PIK3C2A: variants seen among roughly 807,000 people sequenced by gnomAD.
PIK3C2A encodes phosphatidylinositol 4-phosphate 3-kinase C2 domain-containing subunit alpha.
Under a neutral mutation model 204.5 loss-of-function variants are expected in PIK3C2A, and 97 were observed. The observed-to-expected ratio is 0.47, with a 90% CI of 0.40 to 0.56. PIK3C2A has a LOEUF of 0.56. Among genes scored for constraint, PIK3C2A ranks in the 20% least tolerant of loss-of-function variants. The pLI is 0.00. For missense variants in PIK3C2A, 1,735 were observed against 1,969.2 expected (o/e 0.88, Z 2.25); for synonymous variants, 653 against 664.4 (o/e 0.98, Z 0.26).
intron 1 of PIK3C2A, among the ~76,000 whole-genome samples, chr11:17,192,415 G>A (rs1281301825): frequency 6.6e-6 from 1 of 151,872 alleles, no homozygotes; most frequent in African/African-American, 2.4e-5. Context: ...AATTGCTTCT[G>A]GTCCAACAAC....
At chr11:17,131,677 T>C (rs1483071478) in intron 12 of PIK3C2A, among the ~76,000 whole-genome samples, 1 of 152,166 alleles carries the variant, frequency 6.6e-6, no homozygotes, top group African/African-American at 2.4e-5. Context: ...CGCCTTGGCC[T>C]CCCAAAGTGC....
chr11:17,170,205 C>G (rs555136671), intron 1 of PIK3C2A, among the ~76,000 whole-genome samples: 6 of 152,280 alleles, frequency 3.9e-5, no homozygotes, highest in Admixed American at 2.0e-4. Context: ...GCAGAAATAG[C>G]AAGTCAAAAT....
At chr11:17,199,142 T>C (rs1852275468) in intron 1 of PIK3C2A, among the ~76,000 whole-genome samples, 1 of 148,800 alleles carries the variant, frequency 6.7e-6, no homozygotes, top group South Asian at 2.1e-4. Context: ...AAAAGCCAAC[T>C]TATTATCAAT....
At chr11:17,158,217 G>A (rs948049751) in intron 2 of PIK3C2A, among the ~76,000 whole-genome samples, 1 of 151,764 alleles carries the variant, frequency 6.6e-6, no homozygotes, top group African/African-American at 2.4e-5. Flanking sequence ...GCGTGGTGGT[G>A]CATGCCTGTA....
intron 1 of PIK3C2A, among the ~76,000 whole-genome samples, chr11:17,199,903 CAA>C (rs35435978): frequency 1.2e-3 from 133 of 106,820 alleles, no homozygotes; most frequent in East Asian, 6.6e-3. Flanking sequence ...GCCTCCATCT[CAA>C]AAAAAAAAAA....
chr11:17,122,198 A>G lies in PIK3C2A; in HGVS notation c.2647T>C (p.Ser883Pro), dbSNP rs1174395201. ...GKLLDILHKD[S>P]SLGLSKEDKA... is the part of the protein sequence containing the mutation. ...ATAAACAGAACATACCCAAGTGATG[A>G]GTCTTTATGAAGAATATCAAGAAGT... Residue 883 changes from serine (S) to proline (P), a missense_variant, in exon 15 of 33, where the codon TCA becomes CCA. Ser to Pro is a moderately conservative substitution (Grantham distance 74). This residue lies in a region of PIK3C2A where 567 missense variants were observed against 576.0 expected (regional missense o/e 0.98). Transcript: ENST00000691414. The G allele has an allele frequency of 1.9e-6, 3 of 1,582,740 alleles. No homozygotes were observed. The highest frequency in any genetic ancestry group is 2.6e-6 in the Non-Finnish European group (3 of 1,154,616).
intron 13 of PIK3C2A, among the ~76,000 whole-genome samples, chr11:17,123,248 T>TTTTTG (rs374212417): frequency 1.1e-4 from 16 of 151,846 alleles, no homozygotes; most frequent in African/African-American, 3.4e-4. Context: ...AAAACACGTT[T>TTTTTG]TTTTGTTTTG....
At chr11:17,117,189 G>T in intron 19 of PIK3C2A, among the ~76,000 whole-genome samples, 1 of 152,152 alleles carries the variant, frequency 6.6e-6, no homozygotes, top group East Asian at 1.9e-4. Flanking sequence ...TTTTTGGTGT[G>T]ATGAAAATAC....
At chr11:17,115,577 CA>C (rs1849156475) in intron 19 of PIK3C2A, 1 of 149,720 alleles carries the variant, frequency 6.7e-6, no homozygotes, top group Non-Finnish European at 1.5e-5. Context: ...ACAAATATAG[CA>C]TATGGATAGA....
chr11:17,150,656 C>A lies in PIK3C2A; in HGVS notation c.1170-1G>T. ...GGTATATGGAAATTTGGTCTTCAAT[C>A]TGTTCACAAGAAAGAAGAAATTAAA... On this transcript the variant is annotated splice_acceptor_variant, in intron 3 of 32. Coordinates refer to ENST00000691414, the MANE Select transcript of PIK3C2A (RefSeq NM_002645.4). LOFTEE classifies it high-confidence loss of function. 1.3e-6 allele frequency: 2 copies of A among 1,591,446 alleles called. No individual in the cohort carries two copies. The highest frequency in any genetic ancestry group is 1.7e-6 in the Non-Finnish European group (2 of 1,170,848).
chr11:17,193,115 A>G (rs552547972), intron 1 of PIK3C2A, among the ~76,000 whole-genome samples: 2 of 152,352 alleles, frequency 1.3e-5, no homozygotes, highest in East Asian at 3.9e-4. Context: ...GGACACAGCA[A>G]GAACGCCCTC....
In PIK3C2A at chr11:17,092,154, G is replaced by C. The variant is rs1422253317; in HGVS notation, c.4569+5C>G. 1 of 1,537,796 alleles carries C rather than the reference G, an allele frequency of 6.5e-7. No individual in the cohort carries two copies. The highest frequency in any genetic ancestry group is 1.4e-5 in the African/African-American group (1 of 73,520). The stretch of plus-strand genomic sequence containing the variant: ...ATGTTATTACTTCTCATTTAGTAAG[G>C]TTACCTCTGCTACATCCGTTGAAGC... On this transcript the variant is annotated splice_donor_5th_base_variant and intron_variant, in intron 29 of 32. Coordinates refer to ENST00000691414, the MANE Select transcript of PIK3C2A (RefSeq NM_002645.4).
intron 18 of PIK3C2A, among the ~76,000 whole-genome samples, chr11:17,117,875 G>A (rs993492381): frequency 4.4e-4 from 66 of 150,970 alleles, no homozygotes; most frequent in Non-Finnish European, 6.9e-4. Context: ...CACCACACCC[G>A]GCTAATTTTT....
chr11:17,113,781 C>CAAA (rs1283891348), intron 20 of PIK3C2A, among the ~76,000 whole-genome samples: 2 of 76,946 alleles, frequency 2.6e-5, no homozygotes, highest in African/African-American at 1.1e-4. Flanking sequence ...GACTCCATCT[C>CAAA]AAAAAAAAAA....
intron 22 of PIK3C2A, among the ~76,000 whole-genome samples, chr11:17,107,549 C>T (rs1429560769): frequency 1.3e-5 from 2 of 151,986 alleles, no homozygotes; most frequent in South Asian, 2.1e-4. Flanking sequence ...TGTGGAAAGA[C>T]GGTACCTAGA....
intron 13 of PIK3C2A, among the ~76,000 whole-genome samples, chr11:17,128,281 T>C (rs537195321): frequency 9.4e-4 from 143 of 151,680 alleles, no homozygotes; most frequent in Non-Finnish European, 1.8e-3. Flanking sequence ...TGCTTTTTTT[T>C]TTTTTTGGCG....
At chr11:17,193,612 C>A (rs1030575820) in intron 1 of PIK3C2A, 3 of 337,638 alleles carry the variant, frequency 8.9e-6, no homozygotes, top group Admixed American at 7.2e-5. Context: ...CTTTGGGAGG[C>A]CAAGGCGGGT....
At position 17,178,114 on chromosome 11, in the gene PIK3C2A, A is replaced by AAAAAAAAAAAAAAAG. The variant is rs1565294473; in HGVS notation, c.-65-8309_-65-8308insCTTTTTTTTTTTTTT. On this transcript the variant is annotated intron_variant, in intron 1 of 32. Transcript: ENST00000691414. ...TCTCAAAAAAAAAAAAAAAAAAAAGAAAAAAAAAATTGCATGTCACATATA... is the reference window on the plus strand; with the variant it reads ...TCTCAAAAAAAAAAAAAAAAAAAAGAAAAAAAAAAAAAAAGAAAAAAAAATTGCATGTCACATATA... 8.2e-5 allele frequency among the ~76,000 whole-genome samples: 6 copies of AAAAAAAAAAAAAAAG among 73,232 alleles called. 1 individual carries two copies. The highest frequency in any genetic ancestry group is 1.0e-3 in the East Asian group (2 of 1,972). 48.0% of individuals were successfully genotyped at this position (73,232 alleles called of 152,430 possible).
At chr11:17,130,103 T>C (rs1489619880) in intron 12 of PIK3C2A, among the ~76,000 whole-genome samples, 3 of 152,342 alleles carry the variant, frequency 2.0e-5, no homozygotes, top group Non-Finnish European at 4.4e-5. Context: ...ACTAGATGAA[T>C]GTTTATGAGA....
Sources: allele counts gnomAD v4.1 joint callset (sites outside exome capture counted in the v4.1 genomes callset), GRCh38; gene constraint gnomAD v4.1.1; regional missense constraint gnomAD v4.1.1; transcripts MANE v1.5; gene names NCBI Gene and HGNC (gene_info 2026-07-23, HGNC 2026-07-21).